MYH15: variants seen among roughly 807,000 people sequenced by gnomAD.
MYH15 encodes myosin heavy chain 15.
In MYH15, 227 loss-of-function variants were observed where a neutral mutation model predicts 240.5. The observed-to-expected ratio is 0.94, with a 90% confidence interval of 0.85 to 1.05. MYH15 has a LOEUF of 1.05. Among genes scored for constraint, MYH15 ranks in the 50% least tolerant of loss-of-function variants. The pLI, the probability that MYH15 is intolerant of heterozygous loss-of-function variation, is 0.00. For synonymous variants in MYH15, 785 were observed against 796.7 expected, an observed-to-expected ratio of 0.99 and a Z score of 0.25; for missense variants, 2,217 against 2,247.5, an observed-to-expected ratio of 0.99 and a Z score of 0.27.
At chr3:108,461,019 TAA>T (rs1313319648) in intron 16 of MYH15, among the ~76,000 whole-genome samples, 1 of 152,188 alleles carries the variant, frequency 6.6e-6, no homozygotes, top group Non-Finnish European at 1.5e-5. Flanking sequence ...TAAAAAATAA[TAA>T]GTCTATTTCC....
chr3:108,440,035 G>T, intron 23 of MYH15, 122 bp from the exon 24 acceptor site: 1 of 798,880 alleles, frequency 1.3e-6, no homozygotes, highest in Non-Finnish European at 1.8e-6. Context: ...ACAAAAAGCT[G>T]TATTTAGCCA....
intron 1 of MYH15, among the ~76,000 whole-genome samples, chr3:108,522,632 A>C (rs910724397): frequency 6.6e-6 from 1 of 152,100 alleles, no homozygotes; most frequent in Non-Finnish European, 1.5e-5. Context: ...GTTCTGCTTC[A>C]CATGTAGTTG....
At chr3:108,507,615 T>A (rs78715178) in intron 1 of MYH15, among the ~76,000 whole-genome samples, 5,218 of 152,222 alleles carry the variant, frequency 0.034, 144 homozygotes, top group Non-Finnish European at 0.047. Context: ...ACCATGCTTG[T>A]TTCTGCAAAG....
At chr3:108,436,449 T>C (rs1224197426) in intron 25 of MYH15, among the ~76,000 whole-genome samples, 1 of 152,228 alleles carries the variant, frequency 6.6e-6, no homozygotes, top group Non-Finnish European at 1.5e-5. Flanking sequence ...AGCATATGTA[T>C]ATACCAACAA....
upstream of MYH15, among the ~76,000 whole-genome samples, chr3:108,532,250 A>C (rs2083716446): frequency 6.6e-6 from 1 of 152,116 alleles, no homozygotes; most frequent in Admixed American, 6.5e-5. Flanking sequence ...TCTGGACGAG[A>C]TTAACATTCA....
intron 25 of MYH15, among the ~76,000 whole-genome samples, chr3:108,432,945 C>T (rs2082792142): frequency 6.6e-6 from 1 of 152,206 alleles, no homozygotes; most frequent in African/African-American, 2.4e-5. Context: ...CACACAGAGT[C>T]CCTGCTGGGG....
At chr3:108,504,966 A>C (rs78454884) in intron 2 of MYH15, among the ~76,000 whole-genome samples, 13,406 of 152,026 alleles carry the variant, frequency 0.088, 1,658 homozygotes, top group East Asian at 0.58. Flanking sequence ...CCAACTCTTA[A>C]TCTTCTTCTG....
chr3:108,490,761 C>T (rs1327998017), intron 9 of MYH15, among the ~76,000 whole-genome samples: 2 of 152,186 alleles, frequency 1.3e-5, no homozygotes, highest in African/African-American at 4.8e-5. Flanking sequence ...GAGAAATTCC[C>T]TGACAATTTC....
chr3:108,492,224 A>ACACACACACT (rs1162717335), intron 9 of MYH15, among the ~76,000 whole-genome samples: 2 of 139,564 alleles, frequency 1.4e-5, no homozygotes, highest in Non-Finnish European at 3.3e-5. Flanking sequence ...ACACACACAC[A>ACACACACACT]CACTCACTCA....
At position 108,464,808 on chromosome 3, in the gene MYH15, C is replaced by G; in HGVS notation, c.1561G>C (p.Gly521Arg). 6.2e-7 allele frequency: 1 copy of G among 1,605,118 alleles called. No individual in the cohort carries two copies. The highest frequency in any genetic ancestry group is 8.5e-7 in the Non-Finnish European group (1 of 1,177,074). The change falls in exon 15 of 41, where the codon GGC becomes CGC. Residue 521 changes from glycine (G) to arginine (R), a missense_variant. By Grantham distance (125) the Gly-to-Arg change is moderately radical. Coordinates refer to ENST00000693548, the MANE Select transcript of MYH15 (RefSeq NM_014981.3). ...TCTTCTTCAAGGATGGAAAGGATGCCCATTGGCTGTTGAAGAGACATAAGA... is the reference window on the plus strand; with the variant it reads ...TCTTCTTCAAGGATGGAAAGGATGCGCATTGGCTGTTGAAGAGACATAAGA... ...ACIDLIEKPM[G>R]ILSILEEECM...
rs2083385868 is a variant in MYH15 at position 108,495,876 on chromosome 3, A to G, written c.619-4T>C. ...TGATTTGATCTTCTAACGCCCCCTG[A>G]GACACATGCAAGAGAAGTACAGCTG... On this transcript the variant is annotated splice_polypyrimidine_tract_variant and splice_region_variant and intron_variant, in intron 6 of 40. Coordinates refer to ENST00000693548, the MANE Select transcript of MYH15 (RefSeq NM_014981.3). The G allele has an allele frequency of 4.4e-6, 7 of 1,601,580 alleles. No individual in the cohort carries two copies. Among genetic ancestry groups the G allele is most frequent in the Non-Finnish European group, 5.1e-6 (6 of 1,173,172 alleles).
At chr3:108,384,085 A>C (rs148158177) in intron 39 of MYH15, among the ~76,000 whole-genome samples, 4 of 152,282 alleles carry the variant, frequency 2.6e-5, no homozygotes, top group South Asian at 2.1e-4. Context: ...CTTGTCTTTA[A>C]AATTATATGG....
intron 21 of MYH15, among the ~76,000 whole-genome samples, chr3:108,448,057 G>C (rs1229789993): frequency 2.0e-5 from 3 of 151,950 alleles, no homozygotes; most frequent in African/African-American, 7.2e-5. Context: ...TCAGCCTTAA[G>C]ATAAACATAT....
Position 108,476,816 on chromosome 3 carries a change from A to G in MYH15, c.1115-301T>C, listed in dbSNP as rs76584613. On this transcript the variant is annotated intron_variant, in intron 11 of 40. Coordinates refer to ENST00000693548, the MANE Select transcript of MYH15 (RefSeq NM_014981.3). ...ATGACTATAATCAAAACGGCAGACA[A>G]TAACAAGTGTTGACAAGGATGTGGA... 2.8e-3 allele frequency among the ~76,000 whole-genome samples: 426 copies of G among 152,308 alleles called. 2 individuals are homozygous for G. The highest frequency in any genetic ancestry group is 9.6e-3 in the African/African-American group (399 of 41,574).
chr3:108,522,605 G>A (rs951861279), intron 1 of MYH15, among the ~76,000 whole-genome samples: 1 of 151,996 alleles, frequency 6.6e-6, no homozygotes, highest in Non-Finnish European at 1.5e-5. Flanking sequence ...TTTCTTGCAT[G>A]TTGACAACCA....
At chr3:108,445,806 A>G (rs997551650) in intron 21 of MYH15, among the ~76,000 whole-genome samples, 10 of 151,458 alleles carry the variant, frequency 6.6e-5, no homozygotes, top group African/African-American at 2.4e-4. Context: ...AGAACTTTAG[A>G]AACAATGAAC....
chr3:108,507,367 G>C (rs1020335676), intron 1 of MYH15, among the ~76,000 whole-genome samples: 5 of 151,256 alleles, frequency 3.3e-5, no homozygotes. Context: ...GGCTGAAGGA[G>C]GGAAAATGTT....
chr3:108,476,634 C>G, intron 11 of MYH15, 119 bp from the exon 12 acceptor site: 1 of 595,462 alleles, frequency 1.7e-6, no homozygotes, highest in Non-Finnish European at 3.0e-6. Context: ...ATCAGCGTAG[C>G]AAAGTAGATT....
At chr3:108,513,669 G>A (rs574033020), upstream of MYH15, among the ~76,000 whole-genome samples, 2 of 152,224 alleles carry the variant, frequency 1.3e-5, no homozygotes, top group South Asian at 4.1e-4. Flanking sequence ...TGACCCAAGT[G>A]AATAGGGACA....
Sources: allele counts gnomAD v4.1 joint callset (sites outside exome capture counted in the v4.1 genomes callset), GRCh38; gene constraint gnomAD v4.1.1; transcripts MANE v1.5; gene names NCBI Gene and HGNC (gene_info 2026-07-23, HGNC 2026-07-21).